EPHX1: variants seen among roughly 807,000 people sequenced by gnomAD.
EPHX1 encodes the protein epoxide hydratase.
A neutral mutation model predicts 43.2 loss-of-function variants in EPHX1; 40 were observed. That is an observed-to-expected ratio of 0.93 (90% confidence interval 0.72 to 1.21). The LOEUF (loss-of-function observed/expected upper bound fraction) is 1.21. Ranked by LOEUF, EPHX1 falls within the 50% of genes most tolerant of loss-of-function variation. The probability of loss-of-function intolerance (pLI) is 0.00; values close to 1 mark genes in which losing one functional copy is unlikely to be tolerated. For missense variants in EPHX1, 550 were observed against 570.4 expected (o/e 0.96, Z 0.36); for synonymous variants, 221 against 226.7 (o/e 0.98, Z 0.22).
intron 5 of EPHX1, 41 bp downstream of exon 5, chr1:225,839,387 G>GTA: frequency 6.2e-7 from 1 of 1,608,652 alleles, no homozygotes; most frequent in Non-Finnish European, 8.5e-7. Context: ...GTGTGTGTGT[G>GTA]TGTGTGTGTG....
chr1:225,826,464 A>AAAAAAG (rs1179373611), intron 1 of EPHX1, among the ~76,000 whole-genome samples: 1 of 146,748 alleles, frequency 6.8e-6, no homozygotes, highest in Non-Finnish European at 1.5e-5. Context: ...AAAAAAAAAA[A>AAAAAAG]AAAAAGGGAA....
At chr1:225,842,159 T>C (rs955262886) in intron 6 of EPHX1, among the ~76,000 whole-genome samples, 1 of 152,218 alleles carries the variant, frequency 6.6e-6, no homozygotes, top group Non-Finnish European at 1.5e-5. Flanking sequence ...TGGGAAGGTA[T>C]CGTCCCTGTT....
intron 5 of EPHX1, 104 bp downstream of exon 5, chr1:225,839,450 G>A: frequency 6.4e-7 from 1 of 1,550,748 alleles, no homozygotes; most frequent in Non-Finnish European, 8.7e-7. Flanking sequence ...GACCCCCCAG[G>A]GGAGAGGAGG....
chr1:225,833,848 A>C (rs1667774930), intron 3 of EPHX1, among the ~76,000 whole-genome samples: 1 of 150,484 alleles, frequency 6.6e-6, no homozygotes, highest in African/African-American at 2.4e-5. Context: ...CTGTAATCCC[A>C]GCACTTTGGG....
intron 1 of EPHX1, among the ~76,000 whole-genome samples, chr1:225,827,207 G>C (rs1667290471): frequency 6.6e-6 from 1 of 152,140 alleles, no homozygotes; most frequent in African/African-American, 2.4e-5. Context: ...GCAAGTGGTG[G>C]GGTTCCCAGC....
At chr1:225,823,214 TA>T (rs1473269377) in intron 1 of EPHX1, among the ~76,000 whole-genome samples, 1 of 130,928 alleles carries the variant, frequency 7.6e-6, no homozygotes, top group Non-Finnish European at 1.6e-5. Context: ...TTTTTTTTTT[TA>T]AGATGAGGGT....
intron 1 of EPHX1, among the ~76,000 whole-genome samples, chr1:225,812,338 G>A (rs187889446): frequency 2.0e-5 from 3 of 152,312 alleles, no homozygotes; most frequent in South Asian, 2.1e-4. Context: ...TGCTCTCTGC[G>A]TGATGCCTCC....
chr1:225,844,517 C>T lies in EPHX1; in HGVS notation c.1060C>T (p.Leu354=). 1 of 1,614,184 alleles carries T rather than the reference C, an allele frequency of 6.2e-7. No homozygotes were observed. Residue 354 remains leucine (L), a synonymous_variant, in exon 8 of 9, where the codon CTG becomes TTG. Transcript: ENST00000272167. The stretch of plus-strand genomic sequence containing the variant: ...TCCCAGGAAGTTCTCCCTGGACGAC[C>T]TGCTGACCAACGTCATGCTCTACTG... ...GLERKFSLDD[L]LTNVMLYWTT... is the part of the protein sequence containing the mutation.
chr1:225,831,136 C>T (rs1369942280), intron 2 of EPHX1, among the ~76,000 whole-genome samples: 1 of 151,944 alleles, frequency 6.6e-6, no homozygotes, highest in Non-Finnish European at 1.5e-5. Flanking sequence ...ACAGTGGAGT[C>T]ACTGCAGCCT....
intron 5 of EPHX1, 22 bp from the exon 6 acceptor site, chr1:225,839,807 C>T (rs751219112): frequency 9.3e-6 from 15 of 1,611,828 alleles, no homozygotes; most frequent in East Asian, 8.9e-5. Flanking sequence ...AGCCTCACCC[C>T]GGCCCCTCTC....
chr1:225,845,108 C>CCACAGCCT, intron 8 of EPHX1, 38 bp from the exon 9 acceptor site: 1 of 1,607,920 alleles, frequency 6.2e-7, no homozygotes, highest in Non-Finnish European at 8.5e-7. Flanking sequence ...GGGCGCAGGG[C>CCACAGCCT]CACAGCCTCA....
rs1427750376 is a variant in EPHX1, at chr1:225,845,375, T to TC, written c.*34dup. The TC allele has an allele frequency of 2.5e-5, 35 of 1,413,098 alleles. No individual in the cohort carries two copies. Among genetic ancestry groups the TC allele is most frequent in the South Asian group, 1.2e-4 (10 of 81,396 alleles). 87.5% of individuals were successfully genotyped at this position (1,413,098 alleles called of 1,614,324 possible). ...CACCCCTCTCCCCCCGCCTGCCACC[T>TC]CCCCCCACAAGTGCCCTCCAGGCTT... On this transcript the variant is annotated 3_prime_UTR_variant, in exon 9 of 9. Coordinates refer to ENST00000272167, the MANE Select transcript of EPHX1 (RefSeq NM_001136018.4).
chr1:225,836,160 C>T (rs1370318631), intron 3 of EPHX1, among the ~76,000 whole-genome samples: 3 of 152,166 alleles, frequency 2.0e-5, no homozygotes, highest in Non-Finnish European at 4.4e-5. Context: ...CAAGAAGGGT[C>T]TAAAGAGACA....
rs1229946079 is a variant in EPHX1, at chr1:225,840,004, A to C, written c.898A>C (p.Met300Leu). The C allele has an allele frequency of 1.2e-6, 2 of 1,614,124 alleles. No individual in the cohort carries two copies. The highest frequency in any genetic ancestry group is 1.7e-4 in the Middle Eastern group (1 of 6,042). The change falls in exon 6 of 9, where the codon ATG (methionine) becomes CTG (leucine). Residue 300 changes from methionine to leucine, a missense_variant. Coordinates refer to ENST00000272167, the MANE Select transcript of EPHX1 (RefSeq NM_001136018.4). ...FYSLMRESGY[M>L]HIQCTKPDTV... ...CAGCCTGATGAGGGAGAGCGGCTAC[A>C]TGCACATCCAGTGCACCAAGCCTGA... is the stretch of plus-strand genomic sequence containing the variant.
intron 3 of EPHX1, among the ~76,000 whole-genome samples, chr1:225,833,105 G>A (rs1023178437): frequency 1.3e-5 from 2 of 152,128 alleles, no homozygotes; most frequent in Non-Finnish European, 2.9e-5. Context: ...CAATCCTCTC[G>A]CCTCAGACCT....
intron 1 of EPHX1, among the ~76,000 whole-genome samples, chr1:225,816,720 G>T (rs1051489681): frequency 3.5e-4 from 54 of 152,330 alleles, no homozygotes; most frequent in African/African-American, 1.2e-3. Flanking sequence ...ATGGGGCCAC[G>T]GAGGCCTGGA....
At chr1:225,824,153 C>T (rs1027074927) in intron 1 of EPHX1, among the ~76,000 whole-genome samples, 28 of 152,168 alleles carry the variant, frequency 1.8e-4, no homozygotes, top group African/African-American at 6.5e-4. Flanking sequence ...CCCCCGCCGC[C>T]CCCGCAGTCC....
chr1:225,821,132 A>T (rs1181945697), intron 1 of EPHX1, among the ~76,000 whole-genome samples: 1 of 152,236 alleles, frequency 6.6e-6, no homozygotes, highest in Non-Finnish European at 1.5e-5. Flanking sequence ...AATGAATTGT[A>T]TGTTTTAAAA....
At chr1:225,832,001 G>A (rs1030749288) in intron 3 of EPHX1, 42 bp downstream of exon 3, 2 of 1,592,858 alleles carry the variant, frequency 1.3e-6, no homozygotes, top group Non-Finnish European at 1.7e-6. Context: ...TGTATGTCAT[G>A]AGAACAGCCT....
Sources: gnomAD v4.1 joint callset for allele counts (sites outside exome capture counted in the v4.1 genomes callset) on GRCh38, gnomAD v4.1.1 for gene constraint, MANE v1.5 for transcripts, NCBI Gene and HGNC (gene_info 2026-07-23, HGNC 2026-07-21) for gene names.